The following SUN1 variants were observed in gnomAD, a reference collection of about 807,000 sequenced individuals.
SUN1 encodes Sad1 and UNC84 domain containing 1, also known as SUN domain-containing protein 1.
SUN1 carries 61 observed loss-of-function variants against 103.2 expected under a neutral mutation model. The ratio of observed to expected loss-of-function variants is 0.59; its 90% CI spans 0.48 to 0.73. The LOEUF (loss-of-function observed/expected upper bound fraction) is 0.73, where lower values mean the gene tolerates loss of function less well. SUN1 is among the 30% of genes least tolerant of loss of function. The pLI, the probability that SUN1 is intolerant of heterozygous loss-of-function variation, is 0.00. For synonymous variants in SUN1, 490 were observed against 425.7 expected, an observed-to-expected ratio of 1.15 and a Z score of -1.86; for missense variants, 1,052 against 1,034.6, an observed-to-expected ratio of 1.02 and a Z score of -0.23.
rs575236929 is a variant in SUN1 at position 867,367 on chromosome 7, G to A, written c.1980+1300G>A. ...GGCACAGTCTGTGTCACCTGGCAGGGCCAACAGGTTTTCTGCACAGGGTTG... is the reference window on the plus strand; with the variant it reads ...GGCACAGTCTGTGTCACCTGGCAGGACCAACAGGTTTTCTGCACAGGGTTG... On this transcript the variant is annotated intron_variant, in intron 16 of 18. Transcript: ENST00000401592. Among the ~76,000 whole-genome samples, 14 of 152,392 alleles carry A rather than the reference G, an allele frequency of 9.2e-5. No homozygotes were observed. The East Asian group carries it at 2.7e-3, about 29-fold the overall frequency.
intron 12 of SUN1, among the ~76,000 whole-genome samples, chr7:856,951 A>G (rs1487195442): frequency 3.9e-5 from 6 of 152,132 alleles, no homozygotes; most frequent in African/African-American, 1.4e-4. Flanking sequence ...CCGCCCTTGG[A>G]ATCCATGGCA....
upstream of SUN1, chr7:816,205 C>CCCCTCCGCGATGCAGAT (rs1167602968): frequency 3.9e-6 from 1 of 256,034 alleles, no homozygotes; most frequent in Admixed American, 6.7e-5. Flanking sequence ...CAGGTGCAGA[C>CCCCTCCGCGATGCAGAT]CCCTCCCCCA....
chr7:852,508 G>T (rs1319904983), intron 7 of SUN1, 101 bp from the exon 8 acceptor site: 4 of 1,352,900 alleles, frequency 3.0e-6, no homozygotes, highest in Admixed American at 1.7e-5. Flanking sequence ...TCTAATACTG[G>T]GGGGGTGGAT....
At chr7:844,180 G>C (rs555194333) in intron 5 of SUN1, among the ~76,000 whole-genome samples, 40 of 152,268 alleles carry the variant, frequency 2.6e-4, no homozygotes, top group Non-Finnish European at 4.6e-4. Context: ...GCGGCTTCCA[G>C]GCGGGACTGG....
chr7:870,749 G>A (rs757251520), intron 17 of SUN1, among the ~76,000 whole-genome samples: 2 of 152,066 alleles, frequency 1.3e-5, no homozygotes, highest in African/African-American at 2.4e-5. Context: ...CTGTGTGAGC[G>A]TCGCTCCTTT....
At chr7:861,491 A>C in intron 15 of SUN1, 27 bp downstream of exon 15, 1 of 1,609,706 alleles carries the variant, frequency 6.2e-7, no homozygotes, top group Non-Finnish European at 8.5e-7. Context: ...TCTGATTACT[A>C]AGTTAGATGA....
At chr7:848,295 A>G (rs544566347) in intron 5 of SUN1, 1 of 871,704 alleles carries the variant, frequency 1.1e-6, no homozygotes, top group African/African-American at 1.8e-5. Flanking sequence ...CTCTTCCCCA[A>G]GTGATTATCT....
At chr7:832,005 T>C, upstream of SUN1, 1 of 986,232 alleles carries the variant, frequency 1.0e-6, no homozygotes, top group African/African-American at 1.7e-5. Context: ...AGCTTTTTTG[T>C]TATTCACCCT....
Position 874,910 on chromosome 7 carries a change from T to A in SUN1, c.*1579T>A, listed in dbSNP as rs1387420491. 1 of 152,234 alleles carries A rather than the reference T, an allele frequency of 6.6e-6. No homozygotes were observed. Among genetic ancestry groups the A allele is most frequent in the East Asian group, 1.9e-4 (1 of 5,208 alleles). The allele number at this position is 152,234 out of a possible 1,614,324, so 9.4% of individuals were successfully genotyped here. ...TTTTAATTTTTAAAAGGGCATGGGA[T>A]ATAAACAGTCTATTTCTTTTCTCAG... On this transcript the variant is annotated 3_prime_UTR_variant, in exon 19 of 19. Coordinates refer to ENST00000401592, the MANE Select transcript of SUN1 (RefSeq NM_001130965.3).
chr7:856,009 C>T (rs1016443076), intron 11 of SUN1, among the ~76,000 whole-genome samples: 1 of 152,220 alleles, frequency 6.6e-6, no homozygotes, highest in Non-Finnish European at 1.5e-5. Context: ...CAGGCCAGCA[C>T]GGCTCAGCTT....
At chr7:851,299 G>C in intron 5 of SUN1, 85 bp from the exon 6 acceptor site, 1 of 1,201,278 alleles carries the variant, frequency 8.3e-7, no homozygotes, top group South Asian at 1.3e-5. Flanking sequence ...GGTGAAGTGT[G>C]TGGCTTGGGC....
intron 5 of SUN1, among the ~76,000 whole-genome samples, chr7:846,830 CAGTG>C (rs1816294026): frequency 6.6e-6 from 1 of 151,872 alleles, no homozygotes; most frequent in South Asian, 2.1e-4. Flanking sequence ...CTGGGCAACA[CAGTG>C]AGACTTCTTC....
chr7:850,155 A>G (rs1366126771), intron 5 of SUN1: 3 of 920,184 alleles, frequency 3.3e-6, no homozygotes, highest in Non-Finnish European at 4.9e-6. Flanking sequence ...CAGGAATAGT[A>G]TTAACTTTGG....
In SUN1 at chr7:821,158, C is replaced by CTTTTTTTTTTTTTTTTT. The variant is rs71546461; in HGVS notation, c.-74+4498_-74+4514dup. On this transcript the variant is annotated intron_variant, in intron 1 of 17. Transcript: ENST00000389574. Reference sequence around the variant, plus strand: ...ATGCTAACATCTATATTCAGCACATCTTTTTTTTTTTTTTTTTTTTTTTTT... The same window carrying CTTTTTTTTTTTTTTTTT: ...ATGCTAACATCTATATTCAGCACATCTTTTTTTTTTTTTTTTTTTTTTTTTTTTTTTTTTTTTTTTTT... Among the ~76,000 whole-genome samples the CTTTTTTTTTTTTTTTTT allele has an allele frequency of 2.9e-5, 2 of 68,978 alleles. 1 individual carries two copies. Among genetic ancestry groups the CTTTTTTTTTTTTTTTTT allele is most frequent in the Non-Finnish European group, 5.6e-5 (2 of 35,812 alleles). 45.3% of individuals were successfully genotyped at this position (68,978 alleles called of 152,430 possible).
upstream of SUN1, among the ~76,000 whole-genome samples, chr7:831,528 C>T (rs1018260287): frequency 1.1e-4 from 17 of 152,184 alleles, no homozygotes; most frequent in African/African-American, 3.9e-4. Context: ...CCTCGGCCTC[C>T]CAAAGTGCTG....
intron 16 of SUN1, chr7:869,096 T>C (rs1274644636): frequency 4.0e-6 from 2 of 497,616 alleles, no homozygotes; most frequent in African/African-American, 3.9e-5. Flanking sequence ...TTGAAGTATG[T>C]TGTATGTCTC....
chr7:827,469 T>G (rs1190999729), intron 1 of SUN1, among the ~76,000 whole-genome samples: 4 of 141,038 alleles, frequency 2.8e-5, no homozygotes, highest in African/African-American at 1.0e-4. Context: ...AAAGTCCGTT[T>G]TTTTTTTTTT....
intron 6 of SUN1, 143 bp from the exon 7 acceptor site, chr7:851,807 C>T (rs766477615): frequency 1.4e-5 from 11 of 765,370 alleles, no homozygotes; most frequent in Admixed American, 5.1e-5. Flanking sequence ...TGCTTCCTGC[C>T]GTGGCGACTA....
intron 17 of SUN1, among the ~76,000 whole-genome samples, chr7:870,845 G>C (rs1393758760): frequency 3.3e-5 from 5 of 151,706 alleles, no homozygotes; most frequent in Non-Finnish European, 2.9e-5. Context: ...GTACGGCCGA[G>C]TCGGTGCACT....
Sources: gnomAD v4.1 joint callset for allele counts (sites outside exome capture counted in the v4.1 genomes callset) on GRCh38, gnomAD v4.1.1 for gene constraint, MANE v1.5 for transcripts, NCBI Gene and HGNC (gene_info 2026-07-23, HGNC 2026-07-21) for gene names.